The following PHF19 variants were observed in gnomAD, a reference collection of about 807,000 sequenced individuals.
PHF19 encodes the protein PHD finger protein 19.
A neutral mutation model predicts 79.8 loss-of-function variants in PHF19; 21 were observed. That is an observed-to-expected ratio of 0.26 (90% confidence interval 0.19 to 0.38). The LOEUF (loss-of-function observed/expected upper bound fraction) is 0.38, where lower values mean the gene tolerates loss of function less well. Among genes scored for constraint, PHF19 ranks in the 10% least tolerant of loss-of-function variants. The probability of loss-of-function intolerance (pLI) is 1.00; values close to 1 mark genes in which losing one functional copy is unlikely to be tolerated. For missense variants in PHF19, 445 were observed against 744.2 expected, an observed-to-expected ratio of 0.60 and a Z score of 4.68; for synonymous variants, 273 against 296.3, an observed-to-expected ratio of 0.92 and a Z score of 0.81.
chr9:120,880,797 T>C (rs2046168911), upstream of PHF19, among the ~76,000 whole-genome samples: 2 of 151,648 alleles, frequency 1.3e-5, no homozygotes, highest in Non-Finnish European at 2.9e-5. Flanking sequence ...CTATCTCTAC[T>C]AAAAATACAA....
At chr9:120,861,830 C>A (rs529131786) in intron 12 of PHF19, 88 bp downstream of exon 12, 2 of 893,026 alleles carry the variant, frequency 2.2e-6, no homozygotes, top group Non-Finnish European at 3.8e-6. Context: ...GTCCTCTGGG[C>A]CTGGGGGACT....
chr9:120,884,794 G>A (rs905569352), intron 1 of PHF19, among the ~76,000 whole-genome samples: 4 of 150,696 alleles, frequency 2.7e-5, no homozygotes, highest in East Asian at 2.0e-4. Flanking sequence ...GGTGGTACAC[G>A]CCTATGATCC....
chr9:120,892,816 G>GA (rs1398937075), intron 1 of PHF19, among the ~76,000 whole-genome samples: 4 of 151,964 alleles, frequency 2.6e-5, no homozygotes, highest in Non-Finnish European at 5.9e-5. Context: ...AGTAAGTGCT[G>GA]AAAAAAAGGG....
chr9:120,897,943 C>T (rs1358562758), upstream of PHF19, among the ~76,000 whole-genome samples: 1 of 142,774 alleles, frequency 7.0e-6, no homozygotes, highest in Non-Finnish European at 1.5e-5. Flanking sequence ...CGCATCACTG[C>T]ACTCCAGCCT....
At chr9:120,894,771 C>G in intron 1 of PHF19, 1 of 1,222,670 alleles carries the variant, frequency 8.2e-7, no homozygotes, top group Non-Finnish European at 1.0e-6. Context: ...GGGTTCTTGT[C>G]GATCTCCCGG....
Position 120,873,993 on chromosome 9 carries a change from T to G in PHF19, c.254A>C (p.Lys85Thr). The G allele has an allele frequency of 6.3e-7, 1 of 1,596,890 alleles. No homozygotes were observed. Among genetic ancestry groups the G allele is most frequent in the Non-Finnish European group, 8.6e-7 (1 of 1,164,654 alleles). Residue 85 changes from lysine (K) to threonine (T), a missense_variant, in exon 3 of 15, where the codon AAG becomes ACG. Coordinates refer to ENST00000373896, the MANE Select transcript of PHF19 (RefSeq NM_015651.3). ...GGAAAACTCACCATGCTGTATGTCC[T>G]TCCATAGGACCCAGTATTTGGAATT... ...EDNSKYWVLW[K>T]DIQHAGVPGE...
chr9:120,898,850 T>C (rs1409153523), upstream of PHF19, among the ~76,000 whole-genome samples: 1 of 152,174 alleles, frequency 6.6e-6, no homozygotes, highest in African/African-American at 2.4e-5. Context: ...GCGATGTAGG[T>C]AGAGCCTGCA....
chr9:120,874,490 G>C lies in PHF19; in HGVS notation c.186+66C>G. ...AATCCCCCTGCCCCCTGGTCTGACA[G>C]CCAGGCTGGAACATGAGCAGAGAGA... is the stretch of plus-strand genomic sequence containing the variant. On this transcript the variant is annotated intron_variant, in intron 2 of 14. Transcript: ENST00000373896. The surrounding 1 kb of genome is among the most constrained non-coding windows in gnomAD (Gnocchi z 4.5). The C allele has an allele frequency of 1.8e-6, 2 of 1,099,276 alleles. No homozygotes were observed. The highest frequency in any genetic ancestry group is 2.7e-6 in the Non-Finnish European group (2 of 733,526). 68.1% of individuals were successfully genotyped at this position (1,099,276 alleles called of 1,614,324 possible). A position where few individuals can be genotyped will look rare whatever the true frequency, so the allele number is the denominator to read the frequency against.
At chr9:120,892,723 A>G (rs750618010) in intron 1 of PHF19, among the ~76,000 whole-genome samples, 17 of 152,186 alleles carry the variant, frequency 1.1e-4, no homozygotes, top group Non-Finnish European at 1.8e-4. Context: ...CACTCCTGTA[A>G]AATTTTATGC....
chr9:120,869,020 G>A lies in PHF19; in HGVS notation c.614+162C>T, dbSNP rs1298131859. 5.0e-6 allele frequency: 2 copies of A among 397,576 alleles called. No individual in the cohort carries two copies. Among genetic ancestry groups the A allele is most frequent in the Non-Finnish European group, 6.8e-6 (2 of 294,062 alleles). 24.6% of individuals were successfully genotyped at this position (397,576 alleles called of 1,614,324 possible). ...CCCACCCCCGCGGCTGACACTCCAG[G>A]CCCGCCCCTCGAGGCCCCGCCCCCA... On this transcript the variant is annotated intron_variant, in intron 6 of 14. Coordinates refer to ENST00000373896, the MANE Select transcript of PHF19 (RefSeq NM_015651.3). This position sits in a 1 kb window ranked among gnomAD's most constrained non-coding sequence, Gnocchi z 5.8.
chr9:120,877,211 G>A, upstream of PHF19: 1 of 979,976 alleles, frequency 1.0e-6, no homozygotes, highest in Middle Eastern at 5.2e-4. Context: ...GGCCGGGGTC[G>A]GGGTCTCGGC....
upstream of PHF19, among the ~76,000 whole-genome samples, chr9:120,878,678 C>T (rs985582294): frequency 3.3e-5 from 5 of 152,190 alleles, no homozygotes; most frequent in African/African-American, 9.7e-5. Flanking sequence ...CCTTGATCCC[C>T]CTGCTCTCAC....
rs1369391417 is a variant in PHF19, at chr9:120,869,469, G to A, written c.466-139C>T. On this transcript the variant is annotated intron_variant, in intron 5 of 14. Transcript: ENST00000373896. This position sits in a 1 kb window ranked among gnomAD's most constrained non-coding sequence, Gnocchi z 5.8. ...TCCAATATAGTCAGAAAAGCAAGGA[G>A]CTTTTTCTCATTAATTCCAAACCCA... 1 of 1,327,206 alleles carries A rather than the reference G, an allele frequency of 7.5e-7. No homozygotes were observed. Among genetic ancestry groups the A allele is most frequent in the Non-Finnish European group, 1.0e-6 (1 of 995,458 alleles). 82.2% of individuals were successfully genotyped at this position (1,327,206 alleles called of 1,614,324 possible). A position where few individuals can be genotyped will look rare whatever the true frequency, so the allele number is the denominator to read the frequency against.
chr9:120,884,755 A>G (rs1044613204), intron 1 of PHF19, among the ~76,000 whole-genome samples: 1 of 19,170 alleles, frequency 5.2e-5, no homozygotes, highest in Non-Finnish European at 1.2e-4. Flanking sequence ...CAAAAAATAC[A>G]AAAAAAAAAA....
Position 120,862,942 on chromosome 9 carries a change from G to C in PHF19, c.969-193C>G, listed in dbSNP as rs571961141. ...CAGGTAGCAGCTGAGAACACGGCTG[G>C]TGCCTCCTCCCTGTGCTTCCTCCTG... is the stretch of plus-strand genomic sequence containing the variant. On this transcript the variant is annotated intron_variant, in intron 10 of 14. Coordinates refer to ENST00000373896, the MANE Select transcript of PHF19 (RefSeq NM_015651.3). The surrounding 1 kb of genome is among the most constrained non-coding windows in gnomAD (Gnocchi z 4.6). 1 of 587,770 alleles carries C rather than the reference G, an allele frequency of 1.7e-6. No homozygotes were observed. The highest frequency in any genetic ancestry group is 2.9e-5 in the East Asian group (1 of 34,752). The allele number at this position is 587,770 out of a possible 1,614,324, so 36.4% of individuals were successfully genotyped here.
chr9:120,900,155 T>C, the PHF19 span, among the ~76,000 whole-genome samples: 1 of 151,864 alleles, frequency 6.6e-6, no homozygotes, highest in Non-Finnish European at 1.5e-5. Context: ...CCCAGTTAAG[T>C]TTTGTATTTT....
In PHF19 at chr9:120,870,462, G is replaced by A; in HGVS notation, c.345C>T (p.Ile115=). 6.2e-7 allele frequency: 1 copy of A among 1,611,962 alleles called. No homozygotes were observed. The highest frequency in any genetic ancestry group is 8.5e-7 in the Non-Finnish European group (1 of 1,177,982). The change falls in exon 4 of 15, where the codon ATC becomes ATT. Residue 115 remains isoleucine, a synonymous_variant. Coordinates refer to ENST00000373896, the MANE Select transcript of PHF19 (RefSeq NM_015651.3). This position sits in a 1 kb window ranked among gnomAD's most constrained non-coding sequence, Gnocchi z 4.4. ...KTSGPLNEIL[I]CGKCGLGYHQ... ...ACTCACCCAGGCCACACTTCCCGCA[G>A]ATGAGGATCTCATTCAGCGGCCCTG...
upstream of PHF19, among the ~76,000 whole-genome samples, chr9:120,896,457 T>C (rs1268860509): frequency 2.3e-4 from 33 of 143,110 alleles, no homozygotes; most frequent in Middle Eastern, 7.0e-3. Flanking sequence ...TTTTCTTTTT[T>C]TTTTTTTTTT....
In PHF19 at chr9:120,863,932, C is replaced by T. The variant is rs957164515; in HGVS notation, c.968+117G>A. 6 of 852,792 alleles carry T rather than the reference C, an allele frequency of 7.0e-6. No homozygotes were observed. The African/African-American group carries it at 8.4e-5, about 12-fold the overall frequency. 52.8% of individuals were successfully genotyped at this position (852,792 alleles called of 1,614,324 possible). A position where few individuals can be genotyped will look rare whatever the true frequency, so the allele number is the denominator to read the frequency against. On this transcript the variant is annotated intron_variant, in intron 10 of 14. Transcript: ENST00000373896. ...TGGATCTCGGAGAATGGAAATGATT[C>T]AGAGAGAAGGGGAGTATCAGAGAGG...
Sources: gnomAD v4.1 joint callset for allele counts (sites outside exome capture counted in the v4.1 genomes callset) on GRCh38, gnomAD v4.1.1 for gene constraint, Gnocchi (gnomAD v3.1) non-coding constraint, MANE v1.5 for transcripts, NCBI Gene and HGNC (gene_info 2026-07-23, HGNC 2026-07-21) for gene names.